The following RBM47 variants were observed in gnomAD, a reference collection of about 807,000 sequenced individuals.
RBM47 encodes the protein RNA-binding protein 47.
RBM47 carries 21 observed loss-of-function variants against 47.1 expected under a neutral mutation model. That is an observed-to-expected ratio of 0.45 (90% CI 0.32 to 0.64). The LOEUF (loss-of-function observed/expected upper bound fraction) is 0.64. Ranked by LOEUF, RBM47 falls within the 30% of genes least tolerant of loss-of-function variation. The probability of loss-of-function intolerance (pLI) is 0.05; values close to 1 mark genes in which losing one functional copy is unlikely to be tolerated. For missense variants in RBM47, 708 were observed against 870.9 expected, an observed-to-expected ratio of 0.81 and a Z score of 2.35; for synonymous variants, 375 against 361.7, an observed-to-expected ratio of 1.04 and a Z score of -0.42.
At chr4:40,447,435 T>G (rs75668088) in intron 3 of RBM47, among the ~76,000 whole-genome samples, 7,481 of 152,276 alleles carry the variant, frequency 0.049, 265 homozygotes, top group African/African-American at 0.098. Context: ...TTTTAGCGTT[T>G]GTTCAGAGTA....
chr4:40,491,525 C>T (rs992116166), intron 2 of RBM47, among the ~76,000 whole-genome samples: 12 of 152,046 alleles, frequency 7.9e-5, no homozygotes, highest in African/African-American at 2.9e-4. Context: ...TCTCAAAGGA[C>T]ACCATTAAGA....
intron 2 of RBM47, among the ~76,000 whole-genome samples, chr4:40,505,131 C>T (rs974072396): frequency 6.6e-6 from 1 of 151,914 alleles, no homozygotes; most frequent in Non-Finnish European, 1.5e-5. Flanking sequence ...TTTGAGGCCA[C>T]AGTGGCTGTA....
intron 1 of RBM47, among the ~76,000 whole-genome samples, chr4:40,623,225 G>C (rs897123375): frequency 6.6e-6 from 1 of 152,164 alleles, no homozygotes; most frequent in Non-Finnish European, 1.5e-5. Context: ...GTAGATGCTG[G>C]AGCCCACAAT....
At chr4:40,481,842 G>A (rs910740284) in intron 2 of RBM47, among the ~76,000 whole-genome samples, 22 of 152,152 alleles carry the variant, frequency 1.4e-4, no homozygotes, top group African/African-American at 5.1e-4. Flanking sequence ...GTGAGCCTCC[G>A]CATCCAGCCT....
At chr4:40,506,506 A>T (rs943215950) in intron 2 of RBM47, among the ~76,000 whole-genome samples, 2 of 152,186 alleles carry the variant, frequency 1.3e-5, no homozygotes, top group Admixed American at 6.6e-5. Context: ...GAAAAGGTAA[A>T]AGTTCTATAC....
chr4:40,433,777 T>C (rs919050974), intron 5 of RBM47, among the ~76,000 whole-genome samples: 1 of 151,620 alleles, frequency 6.6e-6, no homozygotes, highest in Non-Finnish European at 1.5e-5. Context: ...TAAAAAAAAA[T>C]AGCACATTCC....
At chr4:40,526,353 T>C (rs371397594) in intron 2 of RBM47, among the ~76,000 whole-genome samples, 149 of 152,228 alleles carry the variant, frequency 9.8e-4, no homozygotes, top group African/African-American at 3.4e-3. Context: ...ATAGAGAAGA[T>C]AGAGTTTAAT....
At chr4:40,533,675 AC>A (rs1727630119) in intron 2 of RBM47, among the ~76,000 whole-genome samples, 1 of 152,032 alleles carries the variant, frequency 6.6e-6, no homozygotes. Flanking sequence ...TCAGTCTGTC[AC>A]CCAGGCTAGA....
At chr4:40,472,959 A>G (rs893852350) in intron 2 of RBM47, among the ~76,000 whole-genome samples, 1 of 152,214 alleles carries the variant, frequency 6.6e-6, no homozygotes, top group Non-Finnish European at 1.5e-5. Flanking sequence ...TGACATTCAA[A>G]AGAAATGCAT....
At position 40,438,857 on chromosome 4, in the gene RBM47, C is replaced by CACT; in HGVS notation, c.34_36dup (p.Ser12dup). The CACT allele has an allele frequency of 6.4e-7, 1 of 1,561,012 alleles. No individual in the cohort carries two copies. Among genetic ancestry groups the CACT allele is most frequent in the Non-Finnish European group, 8.6e-7 (1 of 1,159,344 alleles). On this transcript the variant is annotated inframe_insertion, in exon 4 of 7. Coordinates refer to ENST00000295971, the MANE Select transcript of RBM47 (RefSeq NM_001098634.2). ...TTGGCGGAGGACCCGGCGGCCGAGT[C>CACT]ACTGCTCATGGCTGCGGTGGAATCC...
At chr4:40,463,805 T>C (rs1287137447) in intron 3 of RBM47, among the ~76,000 whole-genome samples, 1 of 151,976 alleles carries the variant, frequency 6.6e-6, no homozygotes, top group Non-Finnish European at 1.5e-5. Flanking sequence ...TAAATATTTT[T>C]TGAGTATCTA....
Position 40,425,661 on chromosome 4 carries a change from A to T in RBM47, c.*243T>A. 2.1e-6 allele frequency: 1 copy of T among 471,352 alleles called. No homozygotes were observed. 29.2% of individuals were successfully genotyped at this position (471,352 alleles called of 1,614,324 possible). A position where few individuals can be genotyped will look rare whatever the true frequency, so the allele number is the denominator to read the frequency against. ...AGTACAGCATACAAATTTTTAAAAG[A>T]TGGAATGAAGGCACGAACCATTGCA... is the stretch of plus-strand genomic sequence containing the variant. On this transcript the variant is annotated 3_prime_UTR_variant, in exon 7 of 7. Transcript: ENST00000295971.
chr4:40,519,765 G>A (rs1726014715), intron 2 of RBM47, among the ~76,000 whole-genome samples: 2 of 148,266 alleles, frequency 1.3e-5, no homozygotes, highest in South Asian at 4.3e-4. Flanking sequence ...CATCTCCCAG[G>A]TTCAAGCAAT....
At chr4:40,595,404 C>G (rs1734658759) in intron 1 of RBM47, among the ~76,000 whole-genome samples, 1 of 151,170 alleles carries the variant, frequency 6.6e-6, no homozygotes, top group East Asian at 2.0e-4. Flanking sequence ...TGAGGCAAGA[C>G]AACTGCTTGA....
At chr4:40,602,517 G>A (rs971630791) in intron 1 of RBM47, among the ~76,000 whole-genome samples, 9 of 151,588 alleles carry the variant, frequency 5.9e-5, no homozygotes, top group East Asian at 2.0e-4. Flanking sequence ...GCATGGTGGC[G>A]CACGCCTGTA....
intron 1 of RBM47, among the ~76,000 whole-genome samples, chr4:40,600,823 T>A (rs28626349): frequency 0.3 from 44,477 of 149,772 alleles, 7,666 homozygotes; most frequent in Non-Finnish European, 0.37. Context: ...CCGTCTCTAC[T>A]GAAAATACAA....
At chr4:40,453,464 CAGT>C (rs1364445343) in intron 3 of RBM47, among the ~76,000 whole-genome samples, 93 of 152,348 alleles carry the variant, frequency 6.1e-4, no homozygotes, top group African/African-American at 2.1e-3. Flanking sequence ...AATTATGCAG[CAGT>C]AGAAGTTCTA....
chr4:40,625,591 C>A (rs369381888), intron 1 of RBM47, among the ~76,000 whole-genome samples: 5 of 152,166 alleles, frequency 3.3e-5, no homozygotes, highest in African/African-American at 7.2e-5. Flanking sequence ...GTCTTCCACC[C>A]CAGCTGGTGG....
intron 1 of RBM47, among the ~76,000 whole-genome samples, chr4:40,545,088 G>A (rs931139430): frequency 7.5e-5 from 10 of 133,772 alleles, no homozygotes; most frequent in African/African-American, 2.9e-4. Context: ...GTCTCGCTCT[G>A]TCACCCAGGC....
Sources: allele counts gnomAD v4.1 joint callset (sites outside exome capture counted in the v4.1 genomes callset), GRCh38; gene constraint gnomAD v4.1.1; transcripts MANE v1.5; gene names NCBI Gene and HGNC (gene_info 2026-07-23, HGNC 2026-07-21).